Variants in PIGL observed in about 807,000 individuals in gnomAD.
The protein encoded by PIGL is phosphatidylinositol glycan anchor biosynthesis class L, also known as N-acetylglucosaminyl-phosphatidylinositol de-N-acetylase.
Under a neutral mutation model 31.1 loss-of-function variants are expected in PIGL, and 22 were observed. The ratio of observed to expected loss-of-function variants is 0.71; its 90% CI spans 0.51 to 1.01. The LOEUF (loss-of-function observed/expected upper bound fraction) is 1.01, where lower values mean the gene tolerates loss of function less well. Among genes scored for constraint, PIGL ranks in the 50% least tolerant of loss-of-function variants. The pLI, the probability that PIGL is intolerant of heterozygous loss-of-function variation, is 0.00. For synonymous variants in PIGL, 131 were observed against 117.4 expected, an observed-to-expected ratio of 1.12 and a Z score of -0.75; for missense variants, 302 against 315.9, an observed-to-expected ratio of 0.96 and a Z score of 0.33.
intron 3 of PIGL, among the ~76,000 whole-genome samples, chr17:16,307,643 C>T (rs1460852967): frequency 6.6e-6 from 1 of 152,090 alleles, no homozygotes; most frequent in Non-Finnish European, 1.5e-5. Context: ...ATGTCATTAG[C>T]TGTTATTACA....
chr17:16,230,322 A>T (rs1001083330), intron 1 of PIGL, among the ~76,000 whole-genome samples: 15 of 152,072 alleles, frequency 9.9e-5, no homozygotes, highest in African/African-American at 3.6e-4. Flanking sequence ...ACTTCTTGCT[A>T]TCTCTAAACT....
At chr17:16,288,685 A>T (rs571350974) in intron 2 of PIGL, among the ~76,000 whole-genome samples, 13 of 151,948 alleles carry the variant, frequency 8.6e-5, no homozygotes, top group Non-Finnish European at 1.9e-4. Flanking sequence ...GATTACAGGC[A>T]CGCACCACTG....
intron 1 of PIGL, among the ~76,000 whole-genome samples, chr17:16,231,236 T>C (rs1487821694): frequency 6.8e-6 from 1 of 147,302 alleles, no homozygotes; most frequent in African/African-American, 2.5e-5. Context: ...TCTTTTCTTT[T>C]TTTTTTTTTT....
chr17:16,325,671 A>C, intron 6 of PIGL, 129 bp from the exon 7 acceptor site: 1 of 703,378 alleles, frequency 1.4e-6, no homozygotes, highest in Non-Finnish European at 2.4e-6. Flanking sequence ...TACAGGAAGA[A>C]GACAGATAAG....
intron 1 of PIGL, among the ~76,000 whole-genome samples, chr17:16,223,189 C>T (rs562690882): frequency 6.6e-6 from 1 of 152,156 alleles, no homozygotes; most frequent in East Asian, 1.9e-4. Context: ...TTTATGTGAC[C>T]ACTAAAATAC....
intron 1 of PIGL, among the ~76,000 whole-genome samples, chr17:16,222,110 A>G (rs920571401): frequency 9.2e-5 from 14 of 152,080 alleles, no homozygotes; most frequent in Non-Finnish European, 1.5e-4. Context: ...AACATTATCT[A>G]TTCTGCTGAT....
intron 1 of PIGL, among the ~76,000 whole-genome samples, chr17:16,230,973 T>A (rs1441369260): frequency 6.6e-6 from 1 of 151,556 alleles, no homozygotes; most frequent in Non-Finnish European, 1.5e-5. Flanking sequence ...TCATGCCCAG[T>A]CCATTTCTTG....
rs780556648 is a variant in PIGL, at chr17:16,217,326, G to A, written c.100G>A (p.Gly34Arg). 3.1e-6 allele frequency: 5 copies of A among 1,614,210 alleles called. No homozygotes were observed. The South Asian group carries it at 4.4e-5, about 14-fold the overall frequency. ...SSERMKSREQ[G>R]GRLGAESRTL... ...AGAACGAATGAAGAGTCGGGAGCAG[G>A]GAGGACGGCTGGGAGCCGAAAGCCG... Residue 34 changes from glycine to arginine, a missense_variant, in exon 1 of 7, where the codon GGA becomes AGA. Transcript: ENST00000225609.
At chr17:16,279,296 T>C (rs879337827) in intron 2 of PIGL, among the ~76,000 whole-genome samples, 16 of 152,240 alleles carry the variant, frequency 1.1e-4, no homozygotes, top group African/African-American at 3.9e-4. Flanking sequence ...GGCAACTCCA[T>C]AGGCAGAGCA....
intron 2 of PIGL, among the ~76,000 whole-genome samples, chr17:16,280,410 C>A (rs1389248800): frequency 6.6e-6 from 1 of 152,148 alleles, no homozygotes; most frequent in African/African-American, 2.4e-5. Context: ...TCTTTCTTTT[C>A]TTCTAATTTA....
intron 6 of PIGL, among the ~76,000 whole-genome samples, chr17:16,318,929 CAAAAA>C (rs927936781): frequency 2.2e-5 from 3 of 135,256 alleles, no homozygotes; most frequent in African/African-American, 8.2e-5. Context: ...GATTCTGTCT[CAAAAA>C]AAAAACAACA....
chr17:16,300,339 C>T (rs535939433), intron 3 of PIGL, among the ~76,000 whole-genome samples: 36 of 152,278 alleles, frequency 2.4e-4, no homozygotes, highest in Non-Finnish European at 4.3e-4. Context: ...CAGAACTTGA[C>T]CTCACCTTTT....
intron 6 of PIGL, among the ~76,000 whole-genome samples, chr17:16,318,919 G>T (rs1166406188): frequency 6.8e-6 from 1 of 147,666 alleles, no homozygotes; most frequent in Admixed American, 6.8e-5. Flanking sequence ...TGACAGAGAG[G>T]ATTCTGTCTC....
intron 6 of PIGL, among the ~76,000 whole-genome samples, chr17:16,321,976 G>T (rs2093107999): frequency 1.3e-5 from 2 of 152,160 alleles, no homozygotes; most frequent in African/African-American, 4.8e-5. Context: ...TACAGACAGG[G>T]TTTCCCCATG....
At chr17:16,227,775 T>G (rs2092659186) in intron 1 of PIGL, among the ~76,000 whole-genome samples, 1 of 151,636 alleles carries the variant, frequency 6.6e-6, no homozygotes, top group South Asian at 2.1e-4. Context: ...AGACTGGGTT[T>G]CTCCATGTTG....
intron 2 of PIGL, among the ~76,000 whole-genome samples, chr17:16,243,988 G>A (rs772850335): frequency 1.2e-4 from 18 of 152,344 alleles, no homozygotes; most frequent in East Asian, 3.9e-4. Flanking sequence ...GGTCAGAGAC[G>A]AAATCATGGG....
At chr17:16,289,871 G>C (rs1278482879) in intron 2 of PIGL, among the ~76,000 whole-genome samples, 3 of 152,128 alleles carry the variant, frequency 2.0e-5, no homozygotes, top group Non-Finnish European at 4.4e-5. Flanking sequence ...CCACCTCCTG[G>C]GTTAAAGCGA....
chr17:16,276,606 G>A lies in PIGL; in HGVS notation c.336-23282G>A, dbSNP rs1324105872. ...AAATTAACTGGGCAGGCGTGGTGGC[G>A]GGCACCTGTAATCCCAGATACTCAG... On this transcript the variant is annotated intron_variant, in intron 2 of 6. Transcript: ENST00000225609. 3.9e-5 allele frequency among the ~76,000 whole-genome samples: 6 copies of A among 152,190 alleles called. No homozygotes were observed. In the South Asian group the frequency reaches 8.3e-4, roughly 21 times the overall value.
At chr17:16,222,477 G>A (rs2092633816) in intron 1 of PIGL, among the ~76,000 whole-genome samples, 2 of 152,004 alleles carry the variant, frequency 1.3e-5, no homozygotes, top group Admixed American at 1.3e-4. Context: ...CTGTGAGGTA[G>A]GTACTATTGT....
Sources: gnomAD v4.1 joint callset for allele counts (sites outside exome capture counted in the v4.1 genomes callset) on GRCh38, gnomAD v4.1.1 for gene constraint, MANE v1.5 for transcripts, NCBI Gene and HGNC (gene_info 2026-07-23, HGNC 2026-07-21) for gene names.